NELL2: variants seen among roughly 807,000 people sequenced by gnomAD.
The protein encoded by NELL2 is neural EGFL like 2.
Under a neutral mutation model 109.6 loss-of-function variants are expected in NELL2, and 41 were observed. The ratio of observed to expected loss-of-function variants is 0.37; its 90% CI spans 0.29 to 0.49. The LOEUF (loss-of-function observed/expected upper bound fraction) is 0.49. NELL2 is among the 20% of genes least tolerant of loss of function. The pLI, the probability that NELL2 is intolerant of heterozygous loss-of-function variation, is 0.98. For missense variants in NELL2, 900 were observed against 1,008.3 expected (o/e 0.89, Z 1.45); for synonymous variants, 355 against 344.7 (o/e 1.03, Z -0.33).
chr12:44,641,842 A>T (rs1336250600), intron 13 of NELL2, among the ~76,000 whole-genome samples: 2 of 151,770 alleles, frequency 1.3e-5, no homozygotes, highest in Admixed American at 6.6e-5. Context: ...GACTACAGGC[A>T]CATGCTGCCA....
At chr12:44,686,773 C>T (rs1324149029) in intron 12 of NELL2, among the ~76,000 whole-genome samples, 2 of 152,208 alleles carry the variant, frequency 1.3e-5, no homozygotes, top group African/African-American at 4.8e-5. Context: ...TCTGTCCGTT[C>T]TCAGATCTCC....
intron 9 of NELL2, among the ~76,000 whole-genome samples, chr12:44,750,090 C>T (rs140121857): frequency 6.6e-6 from 1 of 151,968 alleles, no homozygotes; most frequent in African/African-American, 2.4e-5. Context: ...AGAAAAGTCC[C>T]CTCCTCTGCA....
intron 2 of NELL2, among the ~76,000 whole-genome samples, chr12:44,834,666 G>A (rs1250447276): frequency 5.3e-5 from 8 of 152,098 alleles, no homozygotes; most frequent in Non-Finnish European, 8.8e-5. Flanking sequence ...CCTACTCGAA[G>A]TGTGAGCGCT....
chr12:44,791,183 C>CATAT (rs748283455), intron 3 of NELL2, among the ~76,000 whole-genome samples: 816 of 14,978 alleles, frequency 0.054, 105 homozygotes, highest in Non-Finnish European at 0.062. Flanking sequence ...AGTATTCCAT[C>CATAT]ATATATATAT....
chr12:44,628,954 G>A (rs1015526269), intron 13 of NELL2, among the ~76,000 whole-genome samples: 6 of 152,030 alleles, frequency 3.9e-5, no homozygotes, highest in South Asian at 2.1e-4. Context: ...ATGCAGGTGA[G>A]GAATAAGACT....
At chr12:44,798,093 C>T (rs76112332) in intron 3 of NELL2, among the ~76,000 whole-genome samples, 16,262 of 112,368 alleles carry the variant, frequency 0.14, 1,661 homozygotes, top group South Asian at 0.21. Context: ...GCATTCCATC[C>T]TAGATGGAAT....
At chr12:44,642,736 G>T (rs1342266425) in intron 13 of NELL2, among the ~76,000 whole-genome samples, 1 of 152,096 alleles carries the variant, frequency 6.6e-6, no homozygotes, top group African/African-American at 2.4e-5. Flanking sequence ...ACAAAAATTA[G>T]CTGGGCATGG....
At chr12:44,875,506 C>T (rs1422304435) in intron 1 of NELL2, 153 bp from the exon 2 acceptor site, 2 of 1,614,004 alleles carry the variant, frequency 1.2e-6, no homozygotes, top group South Asian at 1.1e-5. Flanking sequence ...GAGAGCCTTA[C>T]CTGAGATCAG....
At chr12:44,897,528 C>T (rs752972245) in intron 1 of NELL2, among the ~76,000 whole-genome samples, 1 of 152,060 alleles carries the variant, frequency 6.6e-6, no homozygotes, top group African/African-American at 2.4e-5. Context: ...TGGGGAACTC[C>T]CTCTCCTAGT....
At chr12:44,711,904 CT>C (rs1311050872) in intron 10 of NELL2, among the ~76,000 whole-genome samples, 1 of 151,992 alleles carries the variant, frequency 6.6e-6, no homozygotes, top group Non-Finnish European at 1.5e-5. Context: ...ATTCTTGTCT[CT>C]TGTAAATTAA....
chr12:44,684,935 T>C (rs1948662611), intron 12 of NELL2, among the ~76,000 whole-genome samples: 1 of 152,198 alleles, frequency 6.6e-6, no homozygotes, highest in Admixed American at 6.5e-5. Flanking sequence ...CTACCAGGTC[T>C]GCTTGGTGCA....
In NELL2 at chr12:44,883,007, A is replaced by T. The variant is rs1278457761; in HGVS notation, c.39-7107T>A. Among the ~76,000 whole-genome samples, 43 of 135,046 alleles carry T rather than the reference A, an allele frequency of 3.2e-4. 2 individuals carry two copies. Among genetic ancestry groups the T allele is most frequent in the African/African-American group, 1.1e-3 (40 of 36,404 alleles). 88.6% of individuals were successfully genotyped at this position (135,046 alleles called of 152,430 possible). On this transcript the variant is annotated intron_variant, in intron 1 of 20. Coordinates refer to the NELL2 transcript ENST00000333837. ...AGGCATGTAACAACATGCCCAGACA[A>T]TTTTTTTTTTTTTTTTGGATTTTTA...
intron 13 of NELL2, among the ~76,000 whole-genome samples, chr12:44,628,822 C>T (rs1946356238): frequency 6.6e-6 from 1 of 152,096 alleles, no homozygotes; most frequent in South Asian, 2.1e-4. Flanking sequence ...CAGGTGTGCC[C>T]ACCTAAATAT....
At chr12:44,509,557 G>T (rs1410737319) in intron 19 of NELL2, among the ~76,000 whole-genome samples, 1 of 152,128 alleles carries the variant, frequency 6.6e-6, no homozygotes, top group Non-Finnish European at 1.5e-5. Flanking sequence ...AAAAAGATGA[G>T]AACACATGCG....
At chr12:44,582,991 A>G (rs112989829) in intron 15 of NELL2, among the ~76,000 whole-genome samples, 2,815 of 152,254 alleles carry the variant, frequency 0.018, 27 homozygotes, top group Non-Finnish European at 0.026. Flanking sequence ...GGGATGAAGC[A>G]CATAGCACGA....
chr12:44,857,148 T>TGATA (rs1944707505), intron 2 of NELL2, among the ~76,000 whole-genome samples: 1 of 152,108 alleles, frequency 6.6e-6, no homozygotes, highest in South Asian at 2.1e-4. Flanking sequence ...GAATCCTGAA[T>TGATA]GATATGTAAG....
intron 1 of NELL2, among the ~76,000 whole-genome samples, chr12:44,905,310 T>C (rs906476779): frequency 6.6e-6 from 1 of 151,886 alleles, no homozygotes; most frequent in Non-Finnish European, 1.5e-5. Flanking sequence ...TCTCATTATC[T>C]ATATGTTTTA....
intron 9 of NELL2, among the ~76,000 whole-genome samples, chr12:44,728,137 C>A (rs910036031): frequency 2.6e-5 from 4 of 151,910 alleles, no homozygotes; most frequent in African/African-American, 9.7e-5. Context: ...CCTAAAGAAA[C>A]AGAGGCATGT....
At chr12:44,534,385 T>G (rs1462027588) in intron 15 of NELL2, among the ~76,000 whole-genome samples, 1 of 152,144 alleles carries the variant, frequency 6.6e-6, no homozygotes, top group Non-Finnish European at 1.5e-5. Context: ...TGATTCTGCC[T>G]CTGTGGTGCC....
Sources: allele counts gnomAD v4.1 joint callset (sites outside exome capture counted in the v4.1 genomes callset), GRCh38; gene constraint gnomAD v4.1.1; transcripts MANE v1.5; gene names NCBI Gene and HGNC (gene_info 2026-07-23, HGNC 2026-07-21).